The following DLC1 variants were observed in gnomAD, a reference collection of about 807,000 sequenced individuals.
The protein encoded by DLC1 is rho GTPase-activating protein 7.
A neutral mutation model predicts 140.3 loss-of-function variants in DLC1; 54 were observed. That is an observed-to-expected ratio of 0.38 (90% confidence interval 0.31 to 0.48). The LOEUF (loss-of-function observed/expected upper bound fraction) is 0.48, where lower values mean the gene tolerates loss of function less well. Ranked by LOEUF, DLC1 falls within the 20% of genes least tolerant of loss-of-function variation. The pLI is 0.96. For missense variants in DLC1, 2,536 were observed against 1,907.0 expected (o/e 1.33, Z -6.14); for synonymous variants, 986 against 728.1 (o/e 1.35, Z -5.70).
intron 5 of DLC1, among the ~76,000 whole-genome samples, chr8:13,165,751 C>T (rs565348719): frequency 6.6e-6 from 1 of 152,296 alleles, no homozygotes; most frequent in African/African-American, 2.4e-5. Context: ...AAGGGCCGAC[C>T]ACACATGAGT....
At chr8:13,550,523 A>T (rs187276452) in intron 1 of DLC1, among the ~76,000 whole-genome samples, 2 of 152,288 alleles carry the variant, frequency 1.3e-5, no homozygotes, top group African/African-American at 4.8e-5. Context: ...AAAGGAAGGT[A>T]AGTCTCACTC....
intron 4 of DLC1, among the ~76,000 whole-genome samples, chr8:13,377,077 T>C (rs1427210715): frequency 2.0e-5 from 3 of 152,204 alleles, no homozygotes; most frequent in Non-Finnish European, 4.4e-5. Flanking sequence ...AAAATCTCTT[T>C]GGTGGAGTAA....
At chr8:13,195,727 C>A (rs1827008156) in intron 5 of DLC1, among the ~76,000 whole-genome samples, 1 of 152,092 alleles carries the variant, frequency 6.6e-6, no homozygotes, top group Non-Finnish European at 1.5e-5. Context: ...GAGATGGTGC[C>A]ACATTACCAA....
At chr8:13,119,932 A>T (rs569996877) in intron 5 of DLC1, among the ~76,000 whole-genome samples, 1 of 151,554 alleles carries the variant, frequency 6.6e-6, no homozygotes, top group Non-Finnish European at 1.5e-5. Flanking sequence ...AAAAAAACTT[A>T]TAAAAAAATT....
chr8:13,152,609 G>A (rs995953100), intron 5 of DLC1, among the ~76,000 whole-genome samples: 8 of 151,562 alleles, frequency 5.3e-5, no homozygotes, highest in African/African-American at 1.9e-4. Context: ...GGAAGCATGG[G>A]CAACGTGGAG....
chr8:13,184,882 A>C (rs1436996063), intron 5 of DLC1, among the ~76,000 whole-genome samples: 2 of 152,102 alleles, frequency 1.3e-5, no homozygotes, highest in Non-Finnish European at 2.9e-5. Context: ...TGATTTGTTT[A>C]ATATTGACAG....
At chr8:13,316,363 C>A (rs945395063) in intron 4 of DLC1, among the ~76,000 whole-genome samples, 2 of 152,034 alleles carry the variant, frequency 1.3e-5, no homozygotes, top group African/African-American at 4.8e-5. Flanking sequence ...TTATACAATA[C>A]AATTGTATTG....
chr8:13,195,073 C>G (rs1826972538), intron 5 of DLC1, among the ~76,000 whole-genome samples: 1 of 152,178 alleles, frequency 6.6e-6, no homozygotes, highest in Non-Finnish European at 1.5e-5. Context: ...GCTTCAAATA[C>G]ACTGAGAAAA....
chr8:13,136,979 G>A (rs1822609884), intron 5 of DLC1, among the ~76,000 whole-genome samples: 1 of 152,180 alleles, frequency 6.6e-6, no homozygotes, highest in South Asian at 2.1e-4. Flanking sequence ...ATGTACATAA[G>A]TGCTTAACAC....
intron 2 of DLC1, among the ~76,000 whole-genome samples, chr8:13,453,380 G>T (rs1413944171): frequency 7.5e-5 from 7 of 92,936 alleles, no homozygotes; most frequent in African/African-American, 2.5e-4. Context: ...AGAATAAGAT[G>T]GCCCAGGATA....
intron 2 of DLC1, among the ~76,000 whole-genome samples, chr8:13,479,834 AG>A (rs372015523): frequency 0.044 from 3,893 of 89,340 alleles, 381 homozygotes; most frequent in African/African-American, 0.081. Flanking sequence ...AAGAAGAAGA[AG>A]AAGAAGAAGA....
At position 13,257,403 on chromosome 8, in the gene DLC1, C is replaced by T. The variant is rs117359098; in HGVS notation, c.1348+47866G>A. Among the ~76,000 whole-genome samples the T allele has an allele frequency of 1.2e-3, 163 of 137,176 alleles. 5 individuals are homozygous for T. In the East Asian group the frequency reaches 0.034, roughly 28 times the overall value. The allele number at this position is 137,176 out of a possible 152,430, so 90.0% of individuals were successfully genotyped here. ...AGTGAGCCATGATCATACCACTGCA[C>T]AGTAGCCTGGGTGACAGAGCAATAC... On this transcript the variant is annotated intron_variant, in intron 5 of 17. Transcript: ENST00000276297.
intron 1 of DLC1, among the ~76,000 whole-genome samples, chr8:13,511,848 T>C (rs1385123399): frequency 1.3e-5 from 2 of 152,118 alleles, no homozygotes; most frequent in Non-Finnish European, 2.9e-5. Flanking sequence ...CATCACTCAT[T>C]TTTCAAGAGG....
chr8:13,294,903 AG>A (rs776343744), intron 5 of DLC1, among the ~76,000 whole-genome samples: 2 of 152,210 alleles, frequency 1.3e-5, no homozygotes, highest in Non-Finnish European at 2.9e-5. Context: ...TAGGGTCGCT[AG>A]GGGATTAATT....
chr8:13,112,933 G>A (rs144368960), intron 6 of DLC1, among the ~76,000 whole-genome samples: 38 of 152,138 alleles, frequency 2.5e-4, no homozygotes, highest in African/African-American at 8.7e-4. Flanking sequence ...TATAATATCA[G>A]ATCTATAAAT....
chr8:13,374,590 G>T (rs1376010989), intron 4 of DLC1, among the ~76,000 whole-genome samples: 1 of 152,074 alleles, frequency 6.6e-6, no homozygotes, highest in Non-Finnish European at 1.5e-5. Flanking sequence ...TGAGACCCGC[G>T]TGGCCAACAT....
chr8:13,498,856 G>C, intron 2 of DLC1, 193 bp downstream of exon 2: 1 of 587,980 alleles, frequency 1.7e-6, no homozygotes, highest in Non-Finnish European at 2.8e-6. Context: ...TTAGTGAAAC[G>C]GATAGATTAT....
chr8:13,528,726 G>A (rs1390165782), intron 1 of DLC1, among the ~76,000 whole-genome samples: 1 of 152,062 alleles, frequency 6.6e-6, no homozygotes, highest in African/African-American at 2.4e-5. Context: ...ATAATATTTT[G>A]GGTCTTGAGT....
At chr8:13,203,911 T>A (rs1234249223) in intron 5 of DLC1, among the ~76,000 whole-genome samples, 2 of 152,194 alleles carry the variant, frequency 1.3e-5, no homozygotes, top group Non-Finnish European at 2.9e-5. Flanking sequence ...TTTTGCTGAC[T>A]CATTTCCCTG....
Sources: gnomAD v4.1 joint callset for allele counts (sites outside exome capture counted in the v4.1 genomes callset) on GRCh38, gnomAD v4.1.1 for gene constraint, MANE v1.5 for transcripts, NCBI Gene and HGNC (gene_info 2026-07-23, HGNC 2026-07-21) for gene names.